MEGF11: variants seen among roughly 807,000 people sequenced by gnomAD.
The protein encoded by MEGF11 is multiple epidermal growth factor-like domains protein 11.
Under a neutral mutation model 146.6 loss-of-function variants are expected in MEGF11, and 126 were observed. That is an observed-to-expected ratio of 0.86 (90% CI 0.74 to 1.00). MEGF11 has a LOEUF of 1.00. Among genes scored for constraint, MEGF11 ranks in the 50% least tolerant of loss-of-function variants. The pLI is 0.00. For synonymous variants in MEGF11, 532 were observed against 583.4 expected (o/e 0.91, Z 1.27); for missense variants, 1,509 against 1,521.2 (o/e 0.99, Z 0.13).
intron 13 of MEGF11, among the ~76,000 whole-genome samples, chr15:65,924,909 G>A (rs1365477998): frequency 6.6e-6 from 1 of 152,130 alleles, no homozygotes; most frequent in African/African-American, 2.4e-5. Context: ...GATTACAGTC[G>A]TGAGCCACTG....
At chr15:66,176,885 CA>C (rs5813378) in intron 1 of MEGF11, among the ~76,000 whole-genome samples, 21,641 of 152,170 alleles carry the variant, frequency 0.14, 1,965 homozygotes, top group Admixed American at 0.23. Flanking sequence ...GTCAAGCTAA[CA>C]ATCATCTGGC....
At chr15:66,129,065 A>T (rs2088527706) in intron 1 of MEGF11, among the ~76,000 whole-genome samples, 1 of 152,176 alleles carries the variant, frequency 6.6e-6, no homozygotes, top group African/African-American at 2.4e-5. Context: ...CTGGTAAGGG[A>T]CCGTAAGGAA....
chr15:66,214,360 G>A (rs1003990), intron 1 of MEGF11, among the ~76,000 whole-genome samples: 31,469 of 152,028 alleles, frequency 0.21, 4,924 homozygotes, highest in African/African-American at 0.44. Flanking sequence ...GACAAAATTC[G>A]TCCCTGTCCT....
intron 5 of MEGF11, among the ~76,000 whole-genome samples, chr15:66,076,708 G>A (rs1448160381): frequency 6.6e-6 from 1 of 152,200 alleles, no homozygotes; most frequent in Non-Finnish European, 1.5e-5. Flanking sequence ...ACCAGGAAAG[G>A]CAGAGGGAGG....
intron 16 of MEGF11, 93 bp from the exon 17 acceptor site, chr15:65,917,049 T>G: frequency 7.6e-7 from 1 of 1,316,172 alleles, no homozygotes; most frequent in Non-Finnish European, 1.0e-6. Context: ...AGAGCCAAGA[T>G]GCCAAGATGG....
intron 1 of MEGF11, among the ~76,000 whole-genome samples, chr15:66,178,832 A>G (rs1327740144): frequency 6.6e-6 from 1 of 152,164 alleles, no homozygotes; most frequent in Non-Finnish European, 1.5e-5. Flanking sequence ...ACCAAGAAGA[A>G]GTGATTCGGA....
At chr15:66,191,939 A>G (rs2090893427) in intron 1 of MEGF11, among the ~76,000 whole-genome samples, 1 of 151,860 alleles carries the variant, frequency 6.6e-6, no homozygotes, top group Non-Finnish European at 1.5e-5. Context: ...TTAGCTGGGC[A>G]TGGTGGCACG....
Position 66,184,251 on chromosome 15 carries a change from C to T in MEGF11, c.-8-55840G>A, listed in dbSNP as rs866776431. On this transcript the variant is annotated intron_variant, in intron 1 of 25. Coordinates refer to ENST00000395614, the MANE Select transcript of MEGF11 (RefSeq NM_001385028.1). ...AATTATACCTCCACAAAACTGAAAACAAAAAAAGAATCTAGGTGGCCTTCC... is the reference window on the plus strand; with the variant it reads ...AATTATACCTCCACAAAACTGAAAATAAAAAAAGAATCTAGGTGGCCTTCC... Among the ~76,000 whole-genome samples the T allele has an allele frequency of 6.6e-4, 101 of 152,048 alleles. 1 individual carries two copies. The highest frequency in any genetic ancestry group is 2.8e-4 in the Non-Finnish European group (19 of 67,958).
chr15:66,037,359 C>A (rs1033949436), intron 5 of MEGF11, among the ~76,000 whole-genome samples: 4 of 152,226 alleles, frequency 2.6e-5, no homozygotes, highest in Non-Finnish European at 5.9e-5. Context: ...CCAAAATGAG[C>A]CTGTCAGTTT....
intron 5 of MEGF11, among the ~76,000 whole-genome samples, chr15:66,006,110 T>A (rs776411621): frequency 6.6e-6 from 1 of 152,162 alleles, no homozygotes; most frequent in Non-Finnish European, 1.5e-5. Flanking sequence ...AGACCTGACC[T>A]CATAGAGAGA....
intron 4 of MEGF11, among the ~76,000 whole-genome samples, chr15:66,095,510 C>T (rs1345204538): frequency 1.3e-5 from 2 of 152,218 alleles, no homozygotes; most frequent in African/African-American, 4.8e-5. Context: ...GCTAGGGGAG[C>T]AGATGGTCCC....
intron 5 of MEGF11, among the ~76,000 whole-genome samples, chr15:66,091,229 A>G (rs958167972): frequency 2.6e-5 from 4 of 152,202 alleles, no homozygotes; most frequent in African/African-American, 9.7e-5. Flanking sequence ...CACTGCAGAG[A>G]GCACACTGGC....
Position 65,934,176 on chromosome 15 carries a change from T to C in MEGF11, c.1288-3233A>G, listed in dbSNP as rs950576374. On this transcript the variant is annotated intron_variant, in intron 10 of 25. Coordinates refer to ENST00000395614, the MANE Select transcript of MEGF11 (RefSeq NM_001385028.1). ...TCAGTTCCTCTGATATTGTGAAATA[T>C]AAGGTCTTCATCCAGTTTCCTGCCA... is the stretch of plus-strand genomic sequence containing the variant. Among the ~76,000 whole-genome samples, 153 of 152,224 alleles carry C rather than the reference T, an allele frequency of 1.0e-3. 1 individual carries two copies. Among genetic ancestry groups the C allele is most frequent in the African/African-American group, 3.4e-3 (140 of 41,464 alleles).
At chr15:65,909,935 GAGAA>G in intron 21 of MEGF11, 129 bp from the exon 22 acceptor site, 2 of 778,826 alleles carry the variant, frequency 2.6e-6, no homozygotes. Context: ...AGGCCGTTGA[GAGAA>G]AGGGCGAGCT....
At chr15:65,903,725 A>C (rs748456493) in intron 24 of MEGF11, among the ~76,000 whole-genome samples, 30 of 152,216 alleles carry the variant, frequency 2.0e-4, no homozygotes, top group Non-Finnish European at 3.8e-4. Flanking sequence ...TTTAGGAACT[A>C]GTTTCATTTG....
intron 1 of MEGF11, among the ~76,000 whole-genome samples, chr15:66,251,432 T>A (rs1281945645): frequency 1.3e-5 from 2 of 152,218 alleles, no homozygotes; most frequent in African/African-American, 4.8e-5. Context: ...GGGTTGCACC[T>A]GATGGGGCTG....
chr15:66,142,562 T>G (rs965549044), intron 1 of MEGF11, among the ~76,000 whole-genome samples: 1 of 152,062 alleles, frequency 6.6e-6, no homozygotes, highest in South Asian at 2.1e-4. Context: ...GAAGAGTGAG[T>G]GAGCCGGCAC....
At chr15:66,240,307 GAC>G (rs1472668941) in intron 1 of MEGF11, among the ~76,000 whole-genome samples, 1 of 152,234 alleles carries the variant, frequency 6.6e-6, no homozygotes, top group African/African-American at 2.4e-5. Context: ...AATTTTCGGA[GAC>G]ACAGACAAGG....
chr15:66,128,445 A>G, intron 1 of MEGF11, 34 bp from the exon 2 acceptor site: 2 of 1,300,756 alleles, frequency 1.5e-6, no homozygotes, highest in Non-Finnish European at 1.0e-6. Flanking sequence ...TGCGTCTGTG[A>G]TCAGACCATG....
Sources: allele counts gnomAD v4.1 joint callset (sites outside exome capture counted in the v4.1 genomes callset), GRCh38; gene constraint gnomAD v4.1.1; transcripts MANE v1.5; gene names NCBI Gene and HGNC (gene_info 2026-07-23, HGNC 2026-07-21).